The following CCDC148 variants were observed in gnomAD, a reference collection of about 807,000 sequenced individuals.
The protein encoded by CCDC148 is coiled-coil domain containing 148, also known as coiled-coil domain-containing protein 148.
Under a neutral mutation model 85.7 loss-of-function variants are expected in CCDC148, and 89 were observed. The ratio of observed to expected loss-of-function variants is 1.04; its 90% CI spans 0.87 to 1.24. The LOEUF (loss-of-function observed/expected upper bound fraction) is 1.24, where lower values mean the gene tolerates loss of function less well. CCDC148 is among the 50% of genes most tolerant of loss of function. CCDC148 has a pLI of 0.00. For synonymous variants in CCDC148, 230 were observed against 213.9 expected (o/e 1.08, Z -0.66); for missense variants, 692 against 671.7 (o/e 1.03, Z -0.33).
chr2:158,435,306 G>A (rs1180411384), intron 1 of CCDC148, among the ~76,000 whole-genome samples: 1 of 152,198 alleles, frequency 6.6e-6, no homozygotes, highest in African/African-American at 2.4e-5. Context: ...AGCCAGAAGA[G>A]AGTGGGGGCC....
At chr2:158,232,054 A>G (rs1457199599) in intron 10 of CCDC148, among the ~76,000 whole-genome samples, 1 of 131,828 alleles carries the variant, frequency 7.6e-6, no homozygotes, top group Non-Finnish European at 1.7e-5. Context: ...TAATGTTCCA[A>G]TGATAGAAGA....
chr2:158,423,956 C>CA (rs576613049), intron 1 of CCDC148, among the ~76,000 whole-genome samples: 157 of 152,128 alleles, frequency 1.0e-3, no homozygotes, highest in African/African-American at 3.5e-3. Flanking sequence ...AGTCAGCAGA[C>CA]CATGAAAAAA....
chr2:158,442,381 T>TC (rs1687972334), intron 1 of CCDC148, among the ~76,000 whole-genome samples: 3 of 152,222 alleles, frequency 2.0e-5, no homozygotes, highest in Admixed American at 2.0e-4. Context: ...TGGGCTTTTT[T>TC]CTAAGATCTT....
intron 8 of CCDC148, among the ~76,000 whole-genome samples, chr2:158,312,134 C>A (rs1692050044): frequency 6.6e-6 from 1 of 152,136 alleles, no homozygotes; most frequent in African/African-American, 2.4e-5. Context: ...TATGTCCCAC[C>A]TAAAATAATA....
intron 10 of CCDC148, among the ~76,000 whole-genome samples, chr2:158,226,806 C>G (rs1458990894): frequency 6.6e-6 from 1 of 152,046 alleles, no homozygotes; most frequent in Non-Finnish European, 1.5e-5. Flanking sequence ...GGATGTATCT[C>G]AAAATAATAA....
intron 7 of CCDC148, among the ~76,000 whole-genome samples, chr2:158,337,811 T>A (rs887668251): frequency 1.3e-5 from 2 of 152,132 alleles, no homozygotes; most frequent in Non-Finnish European, 2.9e-5. Context: ...ATAATTTAAG[T>A]TTTTTCCCCC....
intron 1 of CCDC148, among the ~76,000 whole-genome samples, chr2:158,437,317 T>C (rs966880092): frequency 6.6e-6 from 1 of 152,184 alleles, no homozygotes; most frequent in Non-Finnish European, 1.5e-5. Flanking sequence ...ACAAGGCTGG[T>C]TCAACATACG....
chr2:158,418,803 C>A (rs539595678), intron 1 of CCDC148, among the ~76,000 whole-genome samples: 5 of 151,836 alleles, frequency 3.3e-5, no homozygotes, highest in South Asian at 2.1e-4. Flanking sequence ...ATATATATAT[C>A]TCTTAGAATA....
At position 158,196,356 on chromosome 2, in the gene CCDC148, G is replaced by T. The variant is rs921033674; in HGVS notation, c.1371-17360C>A. 5.3e-5 allele frequency among the ~76,000 whole-genome samples: 8 copies of T among 152,076 alleles called. No individual in the cohort carries two copies. The South Asian group carries it at 1.7e-3, about 31-fold the overall frequency. On this transcript the variant is annotated intron_variant, in intron 11 of 13. Transcript: ENST00000283233. ...CTCTGTGTTCAGTAATATCAAGTTG[G>T]TAATTTGAAATAGGCTATGGTGGGA...
At chr2:158,334,392 T>C (rs1296092318) in intron 7 of CCDC148, among the ~76,000 whole-genome samples, 7 of 124,114 alleles carry the variant, frequency 5.6e-5, no homozygotes, top group Admixed American at 3.9e-4. Context: ...TTTTATTTGT[T>C]GTTAGAAGCA....
intron 11 of CCDC148, among the ~76,000 whole-genome samples, chr2:158,204,622 T>G (rs759447887): frequency 6.6e-6 from 1 of 151,964 alleles, no homozygotes; most frequent in Admixed American, 6.6e-5. Flanking sequence ...AAAGAAGACA[T>G]CAGATTATTC....
At chr2:158,310,750 C>T (rs1691956626) in intron 8 of CCDC148, among the ~76,000 whole-genome samples, 1 of 151,510 alleles carries the variant, frequency 6.6e-6, no homozygotes, top group Admixed American at 6.6e-5. Flanking sequence ...GCACTCCTCA[C>T]ATCCCAGACA....
intron 11 of CCDC148, among the ~76,000 whole-genome samples, chr2:158,194,706 T>A (rs551108222): frequency 1.3e-5 from 2 of 152,276 alleles, no homozygotes; most frequent in Non-Finnish European, 2.9e-5. Flanking sequence ...AACAACGAGA[T>A]AGAAAATTGT....
At chr2:158,278,429 C>T (rs553637799) in intron 9 of CCDC148, among the ~76,000 whole-genome samples, 30 of 152,266 alleles carry the variant, frequency 2.0e-4, no homozygotes, top group Middle Eastern at 6.8e-3. Context: ...ACCCTAATAC[C>T]GCACTTTTCC....
At chr2:158,291,192 A>G (rs1459748234) in intron 9 of CCDC148, among the ~76,000 whole-genome samples, 4 of 152,078 alleles carry the variant, frequency 2.6e-5, no homozygotes, top group Non-Finnish European at 4.4e-5. Flanking sequence ...GGCTCAAGTG[A>G]TCCTCCTGCC....
At chr2:158,351,221 C>T (rs1185801610) in intron 2 of CCDC148, among the ~76,000 whole-genome samples, 1 of 152,166 alleles carries the variant, frequency 6.6e-6, no homozygotes, top group South Asian at 2.1e-4. Flanking sequence ...AAGGTAAGGG[C>T]TGACCATAGC....
chr2:158,313,784 T>C lies in CCDC148; in HGVS notation c.875A>G (p.Tyr292Cys), dbSNP rs1258067047. The C allele has an allele frequency of 6.2e-7, 1 of 1,613,882 alleles. No individual in the cohort carries two copies. Among genetic ancestry groups the C allele is most frequent in the Non-Finnish European group, 8.5e-7 (1 of 1,179,914 alleles). Reference sequence around the variant, plus strand: ...ATCATGCCTAGATTTGTGAGGAAAATATCTTTGTAACATGTCCAGATACAG... The same window carrying C: ...ATCATGCCTAGATTTGTGAGGAAAACATCTTTGTAACATGTCCAGATACAG... Reference protein sequence around the residue: ...RTLYLDMLQRYFPHKSRHDLV... With the variant: ...RTLYLDMLQRCFPHKSRHDLV... The change falls in exon 8 of 14, where the codon TAT (tyrosine) becomes TGT (cysteine). Residue 292 changes from tyrosine to cysteine, a missense_variant. Physicochemically the swap from Tyr to Cys is radical, Grantham distance 194 (BLOSUM62 -2). Transcript: ENST00000283233.
At chr2:158,179,649 G>C (rs1054265972) in intron 11 of CCDC148, among the ~76,000 whole-genome samples, 11 of 152,010 alleles carry the variant, frequency 7.2e-5, no homozygotes, top group African/African-American at 2.7e-4. Context: ...CACACCTTGG[G>C]TTGTTAGAAA....
intron 7 of CCDC148, 160 bp downstream of exon 7, chr2:158,338,566 A>C (rs151322016): frequency 0.033 from 18,391 of 555,764 alleles, 405 homozygotes; most frequent in Middle Eastern, 0.07. Flanking sequence ...TTTTTGAAAA[A>C]ATAAAACCCT....
Sources: allele counts gnomAD v4.1 joint callset (sites outside exome capture counted in the v4.1 genomes callset), GRCh38; gene constraint gnomAD v4.1.1; transcripts MANE v1.5; gene names NCBI Gene and HGNC (gene_info 2026-07-23, HGNC 2026-07-21).